The following TTLL13 variants were observed in gnomAD, a reference collection of about 807,000 sequenced individuals.
The protein encoded by TTLL13 is tubulin polyglutamylase TTLL13.
At chr15:90,263,568 C>A in the TTLL13 span, 42 of 566,380 alleles carry the variant, frequency 7.4e-5, no homozygotes, top group Admixed American at 6.7e-4. Context: ...TTTCACTATT[C>A]CCTGGGCTGG....
At chr15:90,254,233 G>A in the TTLL13 span, among the ~76,000 whole-genome samples, 21 of 148,196 alleles carry the variant, frequency 1.4e-4, no homozygotes, top group Non-Finnish European at 2.2e-4. Flanking sequence ...AGTGGCTCAC[G>A]CCTGTAATCC....
the TTLL13 span, chr15:90,255,857 T>A: frequency 6.2e-7 from 1 of 1,614,064 alleles, no homozygotes; most frequent in African/African-American, 1.3e-5. Flanking sequence ...GTACAACATC[T>A]TCCCCCGCAC....
the TTLL13 span, chr15:90,255,887 T>A: frequency 4.3e-6 from 7 of 1,613,388 alleles, no homozygotes; most frequent in Non-Finnish European, 5.9e-6. Context: ...CCCCGCAGAG[T>A]GAGTGGGTCT....
the TTLL13 span, chr15:90,264,100 A>C: frequency 7.9e-7 from 1 of 1,267,594 alleles, no homozygotes; most frequent in Non-Finnish European, 1.1e-6. Flanking sequence ...GACATATGTA[A>C]ATCCCACTAG....
At chr15:90,254,854 G>A in the TTLL13 span, among the ~76,000 whole-genome samples, 3 of 150,858 alleles carry the variant, frequency 2.0e-5, no homozygotes, top group African/African-American at 7.4e-5. Flanking sequence ...TCAGGGAAGG[G>A]GGAAAAAAAA....
the TTLL13 span, chr15:90,257,488 C>T: frequency 1.0e-6 from 1 of 968,496 alleles, no homozygotes; most frequent in Non-Finnish European, 1.5e-6. Flanking sequence ...ACACTCTTCC[C>T]CAGGATCATC....
At chr15:90,253,095 C>T in the TTLL13 span, among the ~76,000 whole-genome samples, 1 of 152,196 alleles carries the variant, frequency 6.6e-6, no homozygotes, top group Non-Finnish European at 1.5e-5. Flanking sequence ...TTGAAATTGT[C>T]ATGTGGTAAC....
At chr15:90,251,413 C>T in the TTLL13 span, 11 of 855,348 alleles carry the variant, frequency 1.3e-5, no homozygotes, top group African/African-American at 8.4e-5. Context: ...CATGAGCCAC[C>T]GCGCCCAGCC....
chr15:90,251,508 T>A, the TTLL13 span: 1 of 1,561,984 alleles, frequency 6.4e-7, no homozygotes, highest in Non-Finnish European at 8.8e-7. Flanking sequence ...TGAGTACCTG[T>A]CCTTCCCTCC....
chr15:90,260,358 G>A, the TTLL13 span, among the ~76,000 whole-genome samples: 3 of 152,072 alleles, frequency 2.0e-5, no homozygotes, highest in Non-Finnish European at 4.4e-5. Flanking sequence ...TTAGCCAAGC[G>A]TAATGGTGCG....
chr15:90,264,163 T>A, the TTLL13 span: 2 of 702,628 alleles, frequency 2.8e-6, no homozygotes, highest in Non-Finnish European at 4.7e-6. Context: ...TCCACCAGTG[T>A]AAGAATGGGG....
At chr15:90,252,608 A>G in the TTLL13 span, among the ~76,000 whole-genome samples, 1 of 152,198 alleles carries the variant, frequency 6.6e-6, no homozygotes, top group Non-Finnish European at 1.5e-5. Context: ...TCCCTCTGGC[A>G]TCTTTATAAG....
chr15:90,250,646 T>C, the TTLL13 span: 2 of 1,614,040 alleles, frequency 1.2e-6, no homozygotes, highest in Non-Finnish European at 8.5e-7. Flanking sequence ...GCCGAGTACC[T>C]GTAGGACCAT....
chr15:90,250,996 A>G, the TTLL13 span: 1 of 1,412,232 alleles, frequency 7.1e-7, no homozygotes, highest in Non-Finnish European at 9.6e-7. Flanking sequence ...TTAGCCTACA[A>G]AAGAGGACAG....
At chr15:90,255,545 A>G in the TTLL13 span, among the ~76,000 whole-genome samples, 1 of 151,954 alleles carries the variant, frequency 6.6e-6, no homozygotes, top group Admixed American at 6.6e-5. Flanking sequence ...CTCAGTGTGG[A>G]TGTGTGTGTT....
At chr15:90,255,763 C>T in the TTLL13 span, 1 of 1,614,032 alleles carries the variant, frequency 6.2e-7, no homozygotes, top group Non-Finnish European at 8.5e-7. Flanking sequence ...AGAAAATCAA[C>T]CACTTCCCTG....
the TTLL13 span, chr15:90,258,153 C>T: frequency 2.4e-5 from 39 of 1,614,230 alleles, no homozygotes; most frequent in Middle Eastern, 8.2e-4. Context: ...TTCTGTTCTA[C>T]GCCACAACTA....
the TTLL13 span, among the ~76,000 whole-genome samples, chr15:90,253,078 T>G: frequency 6.6e-6 from 1 of 152,166 alleles, no homozygotes; most frequent in Non-Finnish European, 1.5e-5. Flanking sequence ...TGACAGCCCC[T>G]AAGAACTTGA....
the TTLL13 span, chr15:90,259,167 A>C: frequency 1.4e-6 from 1 of 699,468 alleles, no homozygotes; most frequent in Non-Finnish European, 2.1e-6. Context: ...GTTCAACACC[A>C]GACTGGGCAA....
Sources: gnomAD v4.1 joint callset for allele counts (sites outside exome capture counted in the v4.1 genomes callset) on GRCh38, gnomAD v4.1.1 for gene constraint, MANE v1.5 for transcripts, NCBI Gene and HGNC (gene_info 2026-07-23, HGNC 2026-07-21) for gene names.